Variants in SYT15B observed in about 807,000 individuals in gnomAD.
The protein encoded by SYT15B is synaptotagmin 15B, also known as synaptotagmin-15.
At chr10:47,748,060 A>C in the SYT15B span, among the ~76,000 whole-genome samples, 1 of 152,186 alleles carries the variant, frequency 6.6e-6, no homozygotes, top group Non-Finnish European at 1.5e-5. Context: ...CCTAACACAT[A>C]TGTAACTGGA....
chr10:47,747,872 T>C, the SYT15B span, among the ~76,000 whole-genome samples: 1 of 151,930 alleles, frequency 6.6e-6, no homozygotes, highest in Non-Finnish European at 1.5e-5. Context: ...AACTTAAAAA[T>C]ACAATAATTG....
the SYT15B span, among the ~76,000 whole-genome samples, chr10:47,748,067 T>C: frequency 2.0e-5 from 3 of 152,104 alleles, no homozygotes; most frequent in African/African-American, 7.2e-5. Context: ...CATATGTAAC[T>C]GGAGTCTTAG....
chr10:47,747,272 G>A, the SYT15B span, among the ~76,000 whole-genome samples: 1 of 152,062 alleles, frequency 6.6e-6, no homozygotes, highest in Admixed American at 6.5e-5. Context: ...GGAACTGAAG[G>A]GGCCAAGATA....
chr10:47,755,391 G>A, the SYT15B span, among the ~76,000 whole-genome samples: 6 of 152,204 alleles, frequency 3.9e-5, no homozygotes, highest in Non-Finnish European at 8.8e-5. Context: ...AAGTAGCTGG[G>A]ACTACAGGCG....
the SYT15B span, among the ~76,000 whole-genome samples, chr10:47,755,202 CT>C: frequency 6.6e-6 from 1 of 151,638 alleles, no homozygotes; most frequent in East Asian, 1.9e-4. Flanking sequence ...TAATCCACCC[CT>C]CTCGGTCTCC....
the SYT15B span, chr10:47,763,454 T>G: frequency 1.5e-6 from 1 of 682,984 alleles, no homozygotes; most frequent in African/African-American, 1.9e-5. Flanking sequence ...TGCCGGTAAC[T>G]TAAGAAGCAT....
the SYT15B span, chr10:47,762,793 T>G: frequency 7.8e-7 from 1 of 1,283,464 alleles, no homozygotes; most frequent in African/African-American, 1.6e-5. Context: ...AGCCGCGCAG[T>G]GCACGGCAGG....
At chr10:47,763,423 C>G in the SYT15B span, 2 of 984,086 alleles carry the variant, frequency 2.0e-6, no homozygotes, top group African/African-American at 3.5e-5. Context: ...CCGTGAGGGG[C>G]TCTCGTAAGG....
the SYT15B span, among the ~76,000 whole-genome samples, chr10:47,755,518 G>A: frequency 6.7e-6 from 1 of 149,302 alleles, no homozygotes; most frequent in African/African-American, 2.5e-5. Context: ...GCCTCCCAAA[G>A]TGCTGGGATT....
At chr10:47,762,999 C>T in the SYT15B span, 14 of 1,186,892 alleles carry the variant, frequency 1.2e-5, no homozygotes, top group Non-Finnish European at 3.2e-6. Flanking sequence ...AGAGTACCAC[C>T]CCCATCCCGG....
the SYT15B span, among the ~76,000 whole-genome samples, chr10:47,747,607 GGTAAACCC>G: frequency 7.1e-6 from 1 of 141,650 alleles, no homozygotes. Context: ...CAGATGACAT[GGTAAACCC>G]TCCCTTGAGA....
the SYT15B span, chr10:47,760,786 C>T: frequency 8.1e-7 from 1 of 1,237,006 alleles, no homozygotes; most frequent in Admixed American, 2.5e-5. Flanking sequence ...AGGACACTCA[C>T]CAAGGCCGCC....
the SYT15B span, among the ~76,000 whole-genome samples, chr10:47,755,195 TC>T: frequency 2.6e-5 from 4 of 151,722 alleles, no homozygotes; most frequent in African/African-American, 9.7e-5. Context: ...GATGTCGTAA[TC>T]CACCCCTCTC....
the SYT15B span, chr10:47,757,381 A>AG: frequency 6.0e-6 from 2 of 331,972 alleles, no homozygotes; most frequent in Non-Finnish European, 8.3e-6. Flanking sequence ...CAAGTGCTGA[A>AG]GGGGTCACAG....
At chr10:47,747,252 C>A in the SYT15B span, among the ~76,000 whole-genome samples, 3 of 152,044 alleles carry the variant, frequency 2.0e-5, no homozygotes, top group Non-Finnish European at 4.4e-5. Flanking sequence ...CTGAGGTTGT[C>A]AAGGCAGCTG....
chr10:47,749,268 G>A, the SYT15B span, among the ~76,000 whole-genome samples: 120 of 127,418 alleles, frequency 9.4e-4, no homozygotes, highest in Middle Eastern at 0.012. Context: ...AAAAAAACCT[G>A]AGAAAATTTG....
At chr10:47,748,635 T>C in the SYT15B span, among the ~76,000 whole-genome samples, 1 of 152,206 alleles carries the variant, frequency 6.6e-6, no homozygotes, top group Non-Finnish European at 1.5e-5. Flanking sequence ...CCTCCCTCTC[T>C]CCTCCTTCCT....
the SYT15B span, among the ~76,000 whole-genome samples, chr10:47,755,389 G>C: frequency 3.9e-5 from 6 of 152,188 alleles, no homozygotes; most frequent in Non-Finnish European, 7.3e-5. Context: ...CCAAGTAGCT[G>C]GGACTACAGG....
the SYT15B span, among the ~76,000 whole-genome samples, chr10:47,747,204 G>T: frequency 2.3e-3 from 346 of 151,980 alleles, 1 homozygote; most frequent in African/African-American, 8.0e-3. Context: ...GGCAGCAAAG[G>T]CAGCAGAGTC....
Sources: allele counts gnomAD v4.1 joint callset (sites outside exome capture counted in the v4.1 genomes callset), GRCh38; gene constraint gnomAD v4.1.1; transcripts MANE v1.5; gene names NCBI Gene and HGNC (gene_info 2026-07-23, HGNC 2026-07-21).